TMEM132C: variants seen among roughly 807,000 people sequenced by gnomAD.
The protein encoded by TMEM132C is transmembrane protein 132C, also known as protein phosphatase 1, regulatory subunit 152.
In TMEM132C, 29 loss-of-function variants were observed where a neutral mutation model predicts 61.4. The ratio of observed to expected loss-of-function variants is 0.47; its 90% CI spans 0.35 to 0.64. The LOEUF (loss-of-function observed/expected upper bound fraction) is 0.64, where lower values mean the gene tolerates loss of function less well. Ranked by LOEUF, TMEM132C falls within the 30% of genes least tolerant of loss-of-function variation. TMEM132C has a pLI of 0.00. For synonymous variants in TMEM132C, 656 were observed against 633.1 expected, an observed-to-expected ratio of 1.04 and a Z score of -0.54; for missense variants, 1,408 against 1,476.9, an observed-to-expected ratio of 0.95 and a Z score of 0.76.
At chr12:128,510,603 T>C (rs981984362) in intron 2 of TMEM132C, among the ~76,000 whole-genome samples, 26 of 152,196 alleles carry the variant, frequency 1.7e-4, no homozygotes. Context: ...CTGGAGCTGG[T>C]TGGCAGCAAA....
intron 1 of TMEM132C, among the ~76,000 whole-genome samples, chr12:128,347,437 C>A (rs990027611): frequency 7.2e-6 from 1 of 139,836 alleles, no homozygotes; most frequent in Non-Finnish European, 1.6e-5. Context: ...CTCTCTCTCT[C>A]TCCTTCTTTC....
intron 4 of TMEM132C, among the ~76,000 whole-genome samples, chr12:128,641,218 C>G (rs191091596): frequency 2.0e-5 from 3 of 152,236 alleles, no homozygotes; most frequent in Non-Finnish European, 1.5e-5. Context: ...GAACACACTT[C>G]CATCATCTTC....
In TMEM132C at chr12:128,267,201, G is replaced by T. The variant is rs939549125; in HGVS notation, c.-202G>T. On this transcript the variant is annotated 5_prime_UTR_variant, in exon 1 of 9. Transcript: ENST00000435159. ...TTGTCCCGGCCGGAGCGCGAGCAGC[G>T]GCGGAGCCGGAGCCGCCAGAGCCAG... 1.1e-3 allele frequency among the ~76,000 whole-genome samples: 155 copies of T among 147,172 alleles called. 1 individual carries two copies. The highest frequency in any genetic ancestry group is 3.4e-3 in the African/African-American group (141 of 41,020).
chr12:128,539,443 T>C (rs1038369974), intron 2 of TMEM132C, among the ~76,000 whole-genome samples: 1 of 152,064 alleles, frequency 6.6e-6, no homozygotes, highest in African/African-American at 2.4e-5. Flanking sequence ...GGTGAAACCC[T>C]GCCTCTACTA....
chr12:128,485,207 T>C (rs76289867), intron 2 of TMEM132C, among the ~76,000 whole-genome samples: 29,768 of 152,154 alleles, frequency 0.2, 4,269 homozygotes, highest in African/African-American at 0.4. Flanking sequence ...AACAAATTCC[T>C]GCTCTGTTGC....
At chr12:128,640,217 G>A (rs181556629) in intron 4 of TMEM132C, among the ~76,000 whole-genome samples, 2 of 152,286 alleles carry the variant, frequency 1.3e-5, no homozygotes, top group Non-Finnish European at 2.9e-5. Context: ...TGGCACTTGG[G>A]AAGTACTCAG....
intron 2 of TMEM132C, among the ~76,000 whole-genome samples, chr12:128,456,943 C>G (rs1870366485): frequency 6.6e-6 from 1 of 152,096 alleles, no homozygotes. Flanking sequence ...TTCCTTAGCT[C>G]CGCGTGTTTT....
At chr12:128,530,237 A>G (rs943635816) in intron 2 of TMEM132C, among the ~76,000 whole-genome samples, 1 of 152,126 alleles carries the variant, frequency 6.6e-6, no homozygotes, top group Non-Finnish European at 1.5e-5. Flanking sequence ...ACAGTTTTCT[A>G]TGTAGATCAG....
chr12:128,376,897 A>G, intron 1 of TMEM132C, among the ~76,000 whole-genome samples: 1 of 152,190 alleles, frequency 6.6e-6, no homozygotes, highest in Non-Finnish European at 1.5e-5. Flanking sequence ...CATTGCTGCT[A>G]TGGCGTGGAC....
At chr12:128,560,456 G>T (rs954993818) in intron 3 of TMEM132C, among the ~76,000 whole-genome samples, 2 of 152,062 alleles carry the variant, frequency 1.3e-5, no homozygotes, top group Non-Finnish European at 2.9e-5. Flanking sequence ...TTCTACCCCA[G>T]GGCTCTTGGA....
intron 1 of TMEM132C, among the ~76,000 whole-genome samples, chr12:128,272,323 G>T (rs539689706): frequency 6.1e-4 from 93 of 152,310 alleles, no homozygotes; most frequent in African/African-American, 2.2e-3. Flanking sequence ...TTAGCAGGAT[G>T]CATTTGATAG....
chr12:128,306,023 G>T (rs1432913728), intron 1 of TMEM132C, among the ~76,000 whole-genome samples: 1 of 152,126 alleles, frequency 6.6e-6, no homozygotes, highest in Non-Finnish European at 1.5e-5. Flanking sequence ...AATGAAGTCA[G>T]TCTGAGTCTA....
At chr12:128,271,159 C>T in intron 1 of TMEM132C, among the ~76,000 whole-genome samples, 1 of 151,814 alleles carries the variant, frequency 6.6e-6, no homozygotes, top group East Asian at 1.9e-4. Context: ...GAGACTGAGG[C>T]ATGAGAATTG....
intron 4 of TMEM132C, among the ~76,000 whole-genome samples, chr12:128,617,316 C>T (rs779251349): frequency 2.0e-5 from 3 of 152,214 alleles, no homozygotes; most frequent in East Asian, 1.9e-4. Flanking sequence ...GGCAATGCCA[C>T]GCTGGCTTCT....
chr12:128,378,530 G>A (rs988591778), intron 1 of TMEM132C, among the ~76,000 whole-genome samples: 7 of 152,166 alleles, frequency 4.6e-5, no homozygotes, highest in East Asian at 1.9e-4. Context: ...CACAGATTTC[G>A]ACAGGAGAGC....
chr12:128,702,545 C>A (rs1954811428), intron 8 of TMEM132C, among the ~76,000 whole-genome samples: 1 of 152,196 alleles, frequency 6.6e-6, no homozygotes, highest in African/African-American at 2.4e-5. Context: ...TGCAGCCTTG[C>A]CACCTACAGG....
At chr12:128,404,298 CCT>C (rs1441544212) in intron 1 of TMEM132C, among the ~76,000 whole-genome samples, 1 of 152,176 alleles carries the variant, frequency 6.6e-6, no homozygotes, top group Non-Finnish European at 1.5e-5. Context: ...GCATCCACTG[CCT>C]ACCCCATTTA....
At chr12:128,287,571 T>C (rs1391963119) in intron 1 of TMEM132C, among the ~76,000 whole-genome samples, 2 of 152,174 alleles carry the variant, frequency 1.3e-5, no homozygotes, top group African/African-American at 4.8e-5. Flanking sequence ...AATTAATTAT[T>C]AGTAAGTTAC....
intron 2 of TMEM132C, among the ~76,000 whole-genome samples, chr12:128,491,407 C>T (rs1045080058): frequency 6.6e-6 from 1 of 152,214 alleles, no homozygotes; most frequent in Admixed American, 6.5e-5. Flanking sequence ...CGGAGCAGCA[C>T]ATACATCTCA....
Sources: gnomAD v4.1 joint callset for allele counts (sites outside exome capture counted in the v4.1 genomes callset) on GRCh38, gnomAD v4.1.1 for gene constraint, MANE v1.5 for transcripts, NCBI Gene and HGNC (gene_info 2026-07-23, HGNC 2026-07-21) for gene names.